Variants in CARMIL1 observed in about 807,000 individuals in gnomAD.
CARMIL1 encodes the protein capping protein regulator and myosin 1 linker 1, also known as F-actin-uncapping protein LRRC16A.
CARMIL1 carries 90 observed loss-of-function variants against 177.1 expected under a neutral mutation model. The observed-to-expected ratio is 0.51, with a 90% CI of 0.43 to 0.61. The LOEUF (loss-of-function observed/expected upper bound fraction) is 0.61, where lower values mean the gene tolerates loss of function less well. Ranked by LOEUF, CARMIL1 falls within the 20% of genes least tolerant of loss-of-function variation. The probability of loss-of-function intolerance (pLI) is 0.00; values close to 1 mark genes in which losing one functional copy is unlikely to be tolerated. For synonymous variants in CARMIL1, 577 were observed against 606.2 expected, an observed-to-expected ratio of 0.95 and a Z score of 0.71; for missense variants, 1,380 against 1,667.0, an observed-to-expected ratio of 0.83 and a Z score of 3.00.
At chr6:25,528,773 G>A in intron 23 of CARMIL1, 22 bp from the exon 24 acceptor site, 1 of 1,501,924 alleles carries the variant, frequency 6.7e-7, no homozygotes, top group Non-Finnish European at 9.2e-7. Flanking sequence ...ATTCTTGAGG[G>A]ATGCCTGTGC....
At chr6:25,477,566 T>G (rs1400460556) in intron 11 of CARMIL1, among the ~76,000 whole-genome samples, 1 of 152,132 alleles carries the variant, frequency 6.6e-6, no homozygotes, top group Non-Finnish European at 1.5e-5. Flanking sequence ...TTTTTTGGAC[T>G]GTGGGTGAAG....
At chr6:25,313,799 A>G (rs1336161357) in intron 2 of CARMIL1, among the ~76,000 whole-genome samples, 1 of 151,422 alleles carries the variant, frequency 6.6e-6, no homozygotes, top group African/African-American at 2.4e-5. Context: ...GGCCTATAAC[A>G]TTCCCTCTCT....
intron 12 of CARMIL1, among the ~76,000 whole-genome samples, chr6:25,482,963 AT>A (rs911569263): frequency 1.1e-4 from 17 of 151,720 alleles, no homozygotes; most frequent in South Asian, 2.1e-4. Context: ...ATGCCTGAAA[AT>A]TTTTTTTTAA....
intron 29 of CARMIL1, among the ~76,000 whole-genome samples, chr6:25,573,590 C>CAA (rs5875051): frequency 0.038 from 2,650 of 69,800 alleles, 119 homozygotes; most frequent in African/African-American, 0.089. Flanking sequence ...TACCTCTAAG[C>CAA]AAAAAAAAAA....
chr6:25,437,780 C>T (rs188706921), intron 5 of CARMIL1, among the ~76,000 whole-genome samples: 32 of 152,334 alleles, frequency 2.1e-4, no homozygotes, highest in African/African-American at 7.5e-4. Flanking sequence ...TCCTTACTGT[C>T]ATATTCAATT....
chr6:25,435,226 CTTAAA>C (rs931183009), intron 4 of CARMIL1, among the ~76,000 whole-genome samples: 2 of 152,094 alleles, frequency 1.3e-5, no homozygotes, highest in Non-Finnish European at 2.9e-5. Flanking sequence ...TTCTTTGAGT[CTTAAA>C]TTAAGTGCAT....
chr6:25,459,314 C>T (rs1179547121), intron 8 of CARMIL1, among the ~76,000 whole-genome samples: 1 of 130,068 alleles, frequency 7.7e-6, no homozygotes, highest in African/African-American at 2.8e-5. Context: ...CCAGCCTTGA[C>T]CTCCTGGGCT....
intron 9 of CARMIL1, among the ~76,000 whole-genome samples, chr6:25,470,161 A>G (rs772541916): frequency 1.3e-5 from 2 of 152,194 alleles, no homozygotes; most frequent in Non-Finnish European, 2.9e-5. Context: ...GCTTTTTCCT[A>G]TTATTAGGTT....
At chr6:25,615,636 T>C (rs1426106283) in intron 36 of CARMIL1, among the ~76,000 whole-genome samples, 1 of 152,238 alleles carries the variant, frequency 6.6e-6, no homozygotes, top group Non-Finnish European at 1.5e-5. Flanking sequence ...TGACTTGCAG[T>C]CTGTAAGCCA....
intron 31 of CARMIL1, among the ~76,000 whole-genome samples, chr6:25,586,970 G>A (rs1009567126): frequency 6.7e-6 from 1 of 149,034 alleles, no homozygotes; most frequent in Non-Finnish European, 1.5e-5. Context: ...GAGAGAGACC[G>A]TGGAGAGAGA....
At chr6:25,485,101 A>G (rs1463966108) in intron 12 of CARMIL1, among the ~76,000 whole-genome samples, 2 of 151,408 alleles carry the variant, frequency 1.3e-5, no homozygotes, top group African/African-American at 4.9e-5. Flanking sequence ...ATTTTAATTC[A>G]TTTGTTCATT....
chr6:25,480,729 CT>C (rs1309021528), intron 11 of CARMIL1, among the ~76,000 whole-genome samples: 521 of 112,722 alleles, frequency 4.6e-3, no homozygotes, highest in Middle Eastern at 0.019. Flanking sequence ...TATTTGTTTC[CT>C]TTTTTTTTTT....
intron 25 of CARMIL1, among the ~76,000 whole-genome samples, chr6:25,538,426 G>C (rs896314505): frequency 6.6e-6 from 1 of 152,168 alleles, no homozygotes; most frequent in Non-Finnish European, 1.5e-5. Context: ...TGGTTCTGCT[G>C]CTAGAATCAC....
intron 33 of CARMIL1, among the ~76,000 whole-genome samples, chr6:25,604,547 A>G (rs1350221544): frequency 3.9e-5 from 6 of 152,112 alleles, no homozygotes; most frequent in African/African-American, 1.4e-4. Flanking sequence ...GGCCCCATGC[A>G]CCTCTCACCT....
chr6:25,339,797 T>A (rs1786710858), intron 2 of CARMIL1, among the ~76,000 whole-genome samples: 1 of 152,200 alleles, frequency 6.6e-6, no homozygotes, highest in African/African-American at 2.4e-5. Flanking sequence ...TTGGGCAAGT[T>A]ACTTACCTGT....
chr6:25,372,035 T>G (rs1790473069), intron 2 of CARMIL1, among the ~76,000 whole-genome samples: 1 of 152,196 alleles, frequency 6.6e-6, no homozygotes, highest in Non-Finnish European at 1.5e-5. Flanking sequence ...TGTTTTTGTA[T>G]ACTTTGTCAA....
intron 2 of CARMIL1, among the ~76,000 whole-genome samples, chr6:25,307,241 TTATC>T (rs1360417542): frequency 6.6e-6 from 1 of 152,240 alleles, no homozygotes. Flanking sequence ...TTACAAATAT[TTATC>T]AGCCTTTTGG....
intron 31 of CARMIL1, among the ~76,000 whole-genome samples, chr6:25,592,042 T>G (rs548298174): frequency 6.6e-6 from 1 of 152,308 alleles, no homozygotes; most frequent in East Asian, 1.9e-4. Flanking sequence ...AAACTTTGTT[T>G]TTTTTTTGTT....
rs567926056 is a variant in CARMIL1, at chr6:25,508,457, G to A, written c.1396-1199G>A. ...CATGCCTGTAATTCCAGATACTTGGGAGGCTGAGGTGGGAGGATCGTTTGA... is the reference window on the plus strand; with the variant it reads ...CATGCCTGTAATTCCAGATACTTGGAAGGCTGAGGTGGGAGGATCGTTTGA... On this transcript the variant is annotated intron_variant, in intron 17 of 36. Coordinates refer to ENST00000329474, the MANE Select transcript of CARMIL1 (RefSeq NM_017640.6). Among the ~76,000 whole-genome samples, 3 of 152,320 alleles carry A rather than the reference G, an allele frequency of 2.0e-5. No homozygotes were observed. The South Asian group carries it at 6.2e-4, about 32-fold the overall frequency.
Sources: allele counts gnomAD v4.1 joint callset (sites outside exome capture counted in the v4.1 genomes callset), GRCh38; gene constraint gnomAD v4.1.1; transcripts MANE v1.5; gene names NCBI Gene and HGNC (gene_info 2026-07-23, HGNC 2026-07-21).